FNBP1L: variants seen among roughly 807,000 people sequenced by gnomAD.
FNBP1L encodes the protein formin binding protein 1 like, also known as formin-binding protein 1-like.
Under a neutral mutation model 91.2 loss-of-function variants are expected in FNBP1L, and 36 were observed. That is an observed-to-expected ratio of 0.39 (90% CI 0.30 to 0.52). The LOEUF is 0.52. Among genes scored for constraint, FNBP1L ranks in the 20% least tolerant of loss-of-function variants. The pLI, the probability that FNBP1L is intolerant of heterozygous loss-of-function variation, is 0.66. For missense variants in FNBP1L, 571 were observed against 732.1 expected, an observed-to-expected ratio of 0.78 and a Z score of 2.54; for synonymous variants, 242 against 237.0, an observed-to-expected ratio of 1.02 and a Z score of -0.19.
intron 16 of FNBP1L, chr1:93,551,575 A>G (rs965807133): frequency 7.1e-6 from 7 of 985,484 alleles, no homozygotes; most frequent in African/African-American, 3.5e-5. Context: ...ATTTGTAGCT[A>G]CAGTTTCCAA....
intron 1 of FNBP1L, among the ~76,000 whole-genome samples, chr1:93,479,135 G>T (rs950223345): frequency 2.0e-5 from 3 of 152,260 alleles, no homozygotes; most frequent in Middle Eastern, 3.4e-3. Context: ...CAGCTGGGCC[G>T]CTGGGGGTGA....
chr1:93,516,107 T>G (rs937964174), intron 2 of FNBP1L, among the ~76,000 whole-genome samples: 14 of 152,184 alleles, frequency 9.2e-5, no homozygotes, highest in African/African-American at 2.9e-4. Flanking sequence ...TACAATATTA[T>G]TGTAAAAGTT....
chr1:93,536,248 G>A (rs1671844461), intron 9 of FNBP1L, 84 bp from the exon 10 acceptor site: 1 of 1,012,048 alleles, frequency 9.9e-7, no homozygotes, highest in Non-Finnish European at 1.3e-6. Flanking sequence ...TTTGTGAAAA[G>A]TATGTTGCCA....
In FNBP1L at chr1:93,523,104, T is replaced by C. The variant is rs1223106311; in HGVS notation, c.195-240T>C. ...AAAGAGCCTGCAGGTAGTATTCTTA[T>C]TATTTTTTGACCCCAAATATCCCTT... On this transcript the variant is annotated intron_variant, in intron 3 of 16. Transcript: ENST00000271234. 2.6e-5 allele frequency among the ~76,000 whole-genome samples: 4 copies of C among 152,202 alleles called. No individual in the cohort carries two copies. In the South Asian group the frequency reaches 6.2e-4, roughly 24 times the overall value.
At chr1:93,541,007 T>G in intron 10 of FNBP1L, 35 bp from the exon 11 acceptor site, 1 of 1,533,558 alleles carries the variant, frequency 6.5e-7, no homozygotes, top group Non-Finnish European at 8.7e-7. Context: ...GTGAATAATT[T>G]ACCATTTCTT....
At chr1:93,538,059 G>T (rs1295087050) in intron 10 of FNBP1L, among the ~76,000 whole-genome samples, 1 of 151,882 alleles carries the variant, frequency 6.6e-6, no homozygotes, top group Admixed American at 6.6e-5. Flanking sequence ...TAGTAGTCAC[G>T]TTTTTGTAAT....
At chr1:93,513,216 C>A (rs1670929808) in intron 2 of FNBP1L, among the ~76,000 whole-genome samples, 1 of 151,376 alleles carries the variant, frequency 6.6e-6, no homozygotes, top group Non-Finnish European at 1.5e-5. Flanking sequence ...AAGACTAAAC[C>A]AGGAAGAAGT....
intron 7 of FNBP1L, 68 bp downstream of exon 7, chr1:93,530,951 C>G: frequency 7.9e-7 from 1 of 1,259,812 alleles, no homozygotes; most frequent in Non-Finnish European, 1.1e-6. Flanking sequence ...ACTTGTAAGT[C>G]TTAGACATCA....
At chr1:93,474,630 CTGG>C (rs1446422114) in intron 1 of FNBP1L, among the ~76,000 whole-genome samples, 2 of 152,124 alleles carry the variant, frequency 1.3e-5, no homozygotes, top group African/African-American at 4.8e-5. Flanking sequence ...TTTACTAGGT[CTGG>C]AGAGTATATA....
chr1:93,468,621 G>A (rs771299708), intron 1 of FNBP1L, among the ~76,000 whole-genome samples: 1 of 152,056 alleles, frequency 6.6e-6, no homozygotes, highest in African/African-American at 2.4e-5. Context: ...GGTAGAGATG[G>A]GGTTTTGCCA....
At chr1:93,485,218 G>A (rs905462916) in intron 1 of FNBP1L, among the ~76,000 whole-genome samples, 2 of 149,970 alleles carry the variant, frequency 1.3e-5, no homozygotes, top group African/African-American at 4.9e-5. Flanking sequence ...TGTGAAATAA[G>A]ATAGCTGTGT....
At chr1:93,549,545 C>A in intron 15 of FNBP1L, 119 bp downstream of exon 15, 1 of 787,200 alleles carries the variant, frequency 1.3e-6, no homozygotes, top group Non-Finnish European at 1.9e-6. Context: ...AATTATTATC[C>A]CATTTCTTTA....
chr1:93,550,620 A>C (rs1200356933), intron 15 of FNBP1L, among the ~76,000 whole-genome samples: 1 of 152,174 alleles, frequency 6.6e-6, no homozygotes, highest in African/African-American at 2.4e-5. Context: ...TAGACTACTA[A>C]AATTTGGGAA....
chr1:93,473,906 T>C (rs534321849), intron 1 of FNBP1L, among the ~76,000 whole-genome samples: 25 of 152,138 alleles, frequency 1.6e-4, no homozygotes, highest in Non-Finnish European at 2.6e-4. Flanking sequence ...CAGAAAGGGC[T>C]GCGTGACGGG....
chr1:93,534,393 T>A (rs1671779907), intron 8 of FNBP1L, among the ~76,000 whole-genome samples: 1 of 152,140 alleles, frequency 6.6e-6, no homozygotes, highest in South Asian at 2.1e-4. Context: ...CTGTATTCTT[T>A]TTGTCAGTTA....
intron 11 of FNBP1L, among the ~76,000 whole-genome samples, chr1:93,542,678 T>C (rs571312769): frequency 8.6e-5 from 13 of 151,870 alleles, no homozygotes; most frequent in Non-Finnish European, 1.3e-4. Context: ...GTTACAGGCA[T>C]AAGTGGCCCA....
intron 1 of FNBP1L, among the ~76,000 whole-genome samples, chr1:93,449,005 T>A (rs1234222945): frequency 6.6e-6 from 1 of 152,236 alleles, no homozygotes; most frequent in Non-Finnish European, 1.5e-5. Context: ...TTTTGGGGGC[T>A]GAATTAAATC....
intron 1 of FNBP1L, among the ~76,000 whole-genome samples, chr1:93,495,719 A>AT (rs1670239273): frequency 6.6e-6 from 1 of 152,170 alleles, no homozygotes; most frequent in Non-Finnish European, 1.5e-5. Flanking sequence ...CTGTCCCTTC[A>AT]AGATAAAAGA....
chr1:93,458,045 C>T (rs1668729224), intron 1 of FNBP1L, among the ~76,000 whole-genome samples: 1 of 152,158 alleles, frequency 6.6e-6, no homozygotes, highest in Non-Finnish European at 1.5e-5. Context: ...CCGCCTCAGC[C>T]TCCCAGAGTG....
Sources: allele counts gnomAD v4.1 joint callset (sites outside exome capture counted in the v4.1 genomes callset), GRCh38; gene constraint gnomAD v4.1.1; transcripts MANE v1.5; gene names NCBI Gene and HGNC (gene_info 2026-07-23, HGNC 2026-07-21).